The following ALDH1A1 variants were observed in gnomAD, a reference collection of about 807,000 sequenced individuals.
The protein encoded by ALDH1A1 is aldehyde dehydrogenase 1 family member A1, also known as aldehyde dehydrogenase 1A1.
In ALDH1A1, 19 loss-of-function variants were observed where a neutral mutation model predicts 62.1. The ratio of observed to expected loss-of-function variants is 0.31; its 90% confidence interval spans 0.21 to 0.45. The LOEUF (loss-of-function observed/expected upper bound fraction) is 0.45, where lower values mean the gene tolerates loss of function less well. ALDH1A1 is among the 20% of genes least tolerant of loss of function. The probability of loss-of-function intolerance (pLI) is 1.00; values close to 1 mark genes in which losing one functional copy is unlikely to be tolerated. For synonymous variants in ALDH1A1, 231 were observed against 215.9 expected (o/e 1.07, Z -0.61); for missense variants, 521 against 607.1 (o/e 0.86, Z 1.49).
chr9:72,926,388 A>G (rs1301026397), intron 5 of ALDH1A1, among the ~76,000 whole-genome samples: 2 of 152,252 alleles, frequency 1.3e-5, no homozygotes, highest in African/African-American at 4.8e-5. Flanking sequence ...CATTGGAGCC[A>G]AAGATAAGTC....
chr9:72,912,191 G>T, intron 9 of ALDH1A1, 69 bp from the exon 10 acceptor site: 2 of 1,347,932 alleles, frequency 1.5e-6, no homozygotes, highest in Non-Finnish European at 2.0e-6. Context: ...TGCTGGGCCT[G>T]TTAACAAGGG....
chr9:72,902,966 TAA>T (rs35186484), intron 12 of ALDH1A1, among the ~76,000 whole-genome samples: 8 of 142,232 alleles, frequency 5.6e-5, no homozygotes, highest in East Asian at 2.0e-4. Context: ...GTCCACACTG[TAA>T]AAAAAAAAAA....
At chr9:72,924,204 A>G in intron 6 of ALDH1A1, 72 bp from the exon 7 acceptor site, 1 of 1,074,274 alleles carries the variant, frequency 9.3e-7, no homozygotes, top group Non-Finnish European at 1.4e-6. Flanking sequence ...GGGGATTGAG[A>G]TTGTCTCTTA....
At chr9:72,929,235 A>G (rs962871339) in intron 3 of ALDH1A1, among the ~76,000 whole-genome samples, 2 of 152,186 alleles carry the variant, frequency 1.3e-5, no homozygotes, top group African/African-American at 2.4e-5. Context: ...CTGATTTCTA[A>G]ACCCCAGTGC....
intron 1 of ALDH1A1, among the ~76,000 whole-genome samples, chr9:72,940,778 C>T (rs1196132143): frequency 6.6e-6 from 1 of 152,092 alleles, no homozygotes; most frequent in East Asian, 1.9e-4. Flanking sequence ...TTTTTAAAAG[C>T]ATATGGTTTT....
intron 2 of ALDH1A1, among the ~76,000 whole-genome samples, chr9:72,935,806 C>T (rs1830340122): frequency 6.6e-6 from 1 of 152,126 alleles, no homozygotes; most frequent in Non-Finnish European, 1.5e-5. Context: ...ATCCCTAAAA[C>T]CTCTTGGCTC....
At chr9:72,943,116 T>C (rs1226066976) in intron 1 of ALDH1A1, among the ~76,000 whole-genome samples, 1 of 152,158 alleles carries the variant, frequency 6.6e-6, no homozygotes, top group African/African-American at 2.4e-5. Flanking sequence ...TTTGTACCTG[T>C]AAACTAAGGG....
At chr9:72,948,590 C>T (rs1334504118) in intron 1 of ALDH1A1, among the ~76,000 whole-genome samples, 1 of 151,890 alleles carries the variant, frequency 6.6e-6, no homozygotes, top group Non-Finnish European at 1.5e-5. Flanking sequence ...CTCAGGCTTA[C>T]CTTTAAAGCA....
At position 72,909,635 on chromosome 9, in the gene ALDH1A1, G is replaced by T; in HGVS notation, c.1325C>A (p.Thr442Lys). 1.9e-6 allele frequency: 3 copies of T among 1,613,948 alleles called. No individual in the cohort carries two copies. Among genetic ancestry groups the T allele is most frequent in the Non-Finnish European group, 2.5e-6 (3 of 1,179,914 alleles). Reference protein sequence around the residue: ...VFTKDIDKAITISSALQAGTV... With the variant: ...VFTKDIDKAIKISSALQAGTV... ...TCCTGCCTGCAGAGCAGAGGAGATT[G>T]TTATGGCTTTATCAATGTCTTTGGT... The change falls in exon 11 of 13, where the codon ACA becomes AAA. Residue 442 changes from threonine to lysine, a missense_variant. Transcript: ENST00000297785.
In ALDH1A1 at chr9:72,940,057, T is replaced by C. The variant is rs1373585383; in HGVS notation, c.171+91A>G. ...CCAGAAACCATATTTTCATGGCATG[T>C]CTTTTGGAGCTTGCAATGGGGTTCA... On this transcript the variant is annotated intron_variant, in intron 2 of 12. Transcript: ENST00000297785. The C allele has an allele frequency of 5.7e-6, 5 of 870,574 alleles. No homozygotes were observed. In the African/African-American group the frequency reaches 8.5e-5, roughly 15 times the overall value. The allele number at this position is 870,574 out of a possible 1,614,324, so 53.9% of individuals were successfully genotyped here. A position where few individuals can be genotyped will look rare whatever the true frequency, so the allele number is the denominator to read the frequency against.
At chr9:72,919,424 G>T (rs1830107478) in intron 7 of ALDH1A1, among the ~76,000 whole-genome samples, 1 of 152,028 alleles carries the variant, frequency 6.6e-6, no homozygotes, top group Non-Finnish European at 1.5e-5. Flanking sequence ...ATTTTTCTTA[G>T]GGGTCCAGCT....
chr9:72,906,951 A>G (rs975813819), intron 11 of ALDH1A1, among the ~76,000 whole-genome samples: 2 of 152,166 alleles, frequency 1.3e-5, no homozygotes, highest in South Asian at 2.1e-4. Context: ...CAGCCTGGGC[A>G]ACATAGCAAA....
At chr9:72,926,032 C>T (rs1177962820) in intron 5 of ALDH1A1, among the ~76,000 whole-genome samples, 11 of 152,174 alleles carry the variant, frequency 7.2e-5, no homozygotes, top group Non-Finnish European at 1.6e-4. Flanking sequence ...AGGAAAAATA[C>T]CTTGCTAAAG....
chr9:72,919,422 T>C (rs1284167906), intron 7 of ALDH1A1, among the ~76,000 whole-genome samples: 1 of 152,180 alleles, frequency 6.6e-6, no homozygotes, highest in Non-Finnish European at 1.5e-5. Flanking sequence ...CTATTTTTCT[T>C]AGGGGTCCAG....
At chr9:72,908,605 AAGAAAG>A (rs1564622882) in intron 11 of ALDH1A1, among the ~76,000 whole-genome samples, 1 of 140,560 alleles carries the variant, frequency 7.1e-6, no homozygotes, top group Non-Finnish European at 1.6e-5. Context: ...GAAAGAAAGA[AAGAAAG>A]AAAGAAAGAA....
intron 12 of ALDH1A1, 46 bp downstream of exon 12, chr9:72,905,912 A>G (rs766918121): frequency 1.2e-5 from 18 of 1,464,146 alleles, no homozygotes; most frequent in South Asian, 2.5e-5. Flanking sequence ...AATGAAAATC[A>G]TTTTCATAAA....
intron 2 of ALDH1A1, among the ~76,000 whole-genome samples, chr9:72,934,429 C>T (rs542928090): frequency 6.6e-6 from 1 of 152,232 alleles, no homozygotes; most frequent in South Asian, 2.1e-4. Flanking sequence ...ATGTTTACAC[C>T]TGTTCCCTTT....
chr9:72,936,910 T>C (rs1415922655), intron 2 of ALDH1A1, among the ~76,000 whole-genome samples: 1 of 152,068 alleles, frequency 6.6e-6, no homozygotes, highest in Non-Finnish European at 1.5e-5. Flanking sequence ...CTCACCTCCT[T>C]CCCAACCAAC....
chr9:72,933,592 C>CAAAAAAAAAAAAAAAAAA (rs60011646), intron 2 of ALDH1A1, among the ~76,000 whole-genome samples: 1 of 111,732 alleles, frequency 8.9e-6, no homozygotes, highest in African/African-American at 3.5e-5. Flanking sequence ...CATCTCAAAA[C>CAAAAAAAAAAAAAAAAAA]AAAAAAAAAA....
Sources: gnomAD v4.1 joint callset for allele counts (sites outside exome capture counted in the v4.1 genomes callset) on GRCh38, gnomAD v4.1.1 for gene constraint, MANE v1.5 for transcripts, NCBI Gene and HGNC (gene_info 2026-07-23, HGNC 2026-07-21) for gene names.